FARS2: variants seen among roughly 807,000 people sequenced by gnomAD.
The protein encoded by FARS2 is phenylalanine--tRNA ligase, mitochondrial.
A neutral mutation model predicts 46.4 loss-of-function variants in FARS2; 40 were observed. That is an observed-to-expected ratio of 0.86 (90% confidence interval 0.67 to 1.12). FARS2 has a LOEUF of 1.12. FARS2 is among the 50% of genes most tolerant of loss of function. The pLI, the probability that FARS2 is intolerant of heterozygous loss-of-function variation, is 0.00. For synonymous variants in FARS2, 234 were observed against 214.9 expected (o/e 1.09, Z -0.78); for missense variants, 513 against 567.9 (o/e 0.90, Z 0.98).
At chr6:5,763,083 G>T (rs1762569226) in intron 6 of FARS2, among the ~76,000 whole-genome samples, 1 of 152,206 alleles carries the variant, frequency 6.6e-6, no homozygotes, top group Admixed American at 6.5e-5. Flanking sequence ...CCCATCATCT[G>T]CACGATGGCT....
chr6:5,429,122 G>A (rs974246559), intron 3 of FARS2, among the ~76,000 whole-genome samples: 9 of 152,206 alleles, frequency 5.9e-5, no homozygotes, highest in Non-Finnish European at 1.3e-4. Flanking sequence ...GGATTACAAA[G>A]GGGCATGAGA....
intron 3 of FARS2, among the ~76,000 whole-genome samples, chr6:5,413,769 G>A (rs113928027): frequency 0.029 from 4,401 of 152,256 alleles, 95 homozygotes; most frequent in Non-Finnish European, 0.044. Flanking sequence ...CCTTAGCCAG[G>A]TCAAGGTTGG....
chr6:5,723,174 G>A (rs1760020924), intron 6 of FARS2, among the ~76,000 whole-genome samples: 1 of 152,114 alleles, frequency 6.6e-6, no homozygotes, highest in Admixed American at 6.5e-5. Flanking sequence ...CCACGAATGG[G>A]CCACTCGCGA....
At chr6:5,470,897 T>C (rs1765772678) in intron 4 of FARS2, among the ~76,000 whole-genome samples, 1 of 152,228 alleles carries the variant, frequency 6.6e-6, no homozygotes. Context: ...TTGAGCACTC[T>C]GAATTTTCGC....
intron 4 of FARS2, among the ~76,000 whole-genome samples, chr6:5,460,797 G>A (rs1266026580): frequency 6.6e-6 from 1 of 152,156 alleles, no homozygotes; most frequent in Non-Finnish European, 1.5e-5. Context: ...CACTTCTCAA[G>A]TCTTACTTGA....
intron 5 of FARS2, among the ~76,000 whole-genome samples, chr6:5,587,580 A>G (rs1366539729): frequency 6.6e-6 from 1 of 152,160 alleles, no homozygotes; most frequent in African/African-American, 2.4e-5. Flanking sequence ...TCATGACTCA[A>G]TTTGGAGACA....
intron 3 of FARS2, among the ~76,000 whole-genome samples, chr6:5,422,394 A>C (rs1762603588): frequency 6.6e-6 from 1 of 151,584 alleles, no homozygotes; most frequent in Admixed American, 6.6e-5. Flanking sequence ...TTTTTAAATC[A>C]TAAATGTCAC....
chr6:5,400,739 C>T (rs1219337397), intron 2 of FARS2, among the ~76,000 whole-genome samples: 3 of 151,642 alleles, frequency 2.0e-5, no homozygotes, highest in African/African-American at 7.3e-5. Context: ...CACATTTGAT[C>T]TTATACTAAG....
At chr6:5,751,187 A>G (rs1052188632) in intron 6 of FARS2, among the ~76,000 whole-genome samples, 1 of 152,126 alleles carries the variant, frequency 6.6e-6, no homozygotes, top group Non-Finnish European at 1.5e-5. Context: ...GAAATCATAT[A>G]AGTTGAACCT....
At chr6:5,490,861 A>G (rs1767063919) in intron 4 of FARS2, among the ~76,000 whole-genome samples, 1 of 152,198 alleles carries the variant, frequency 6.6e-6, no homozygotes, top group Admixed American at 6.5e-5. Flanking sequence ...CAGATATCCA[A>G]CCAGTTATAC....
At chr6:5,494,313 C>T (rs1277405557) in intron 4 of FARS2, among the ~76,000 whole-genome samples, 2 of 152,132 alleles carry the variant, frequency 1.3e-5, no homozygotes, top group Non-Finnish European at 2.9e-5. Context: ...ATACCATCCA[C>T]CCATCCTTTA....
At chr6:5,703,403 T>C (rs930869182) in intron 6 of FARS2, among the ~76,000 whole-genome samples, 3 of 152,212 alleles carry the variant, frequency 2.0e-5, no homozygotes, top group African/African-American at 7.2e-5. Context: ...CTCTGTGGGC[T>C]AACTAGTGGG....
intron 5 of FARS2, among the ~76,000 whole-genome samples, chr6:5,594,728 G>T (rs1774102238): frequency 6.6e-6 from 1 of 152,202 alleles, no homozygotes; most frequent in Non-Finnish European, 1.5e-5. Context: ...CCAAGCAGGT[G>T]TCTCTGAGCT....
chr6:5,254,321 CT>C, the FARS2 span, among the ~76,000 whole-genome samples: 1 of 152,184 alleles, frequency 6.6e-6, no homozygotes, highest in African/African-American at 2.4e-5. Flanking sequence ...AGGGAAAACG[CT>C]TCCTTGACTA....
chr6:5,402,151 T>C (rs1761294990), intron 2 of FARS2, among the ~76,000 whole-genome samples: 1 of 152,102 alleles, frequency 6.6e-6, no homozygotes, highest in African/African-American at 2.4e-5. Context: ...GCCCCCTCAT[T>C]AAATCTTGAT....
intron 5 of FARS2, among the ~76,000 whole-genome samples, chr6:5,549,228 A>G (rs983010345): frequency 2.6e-5 from 4 of 151,902 alleles, no homozygotes; most frequent in African/African-American, 9.7e-5. Flanking sequence ...CATGTGCACA[A>G]CGTGCAGGTT....
chr6:5,664,813 G>A (rs1307881123), intron 6 of FARS2, among the ~76,000 whole-genome samples: 1 of 152,136 alleles, frequency 6.6e-6, no homozygotes, highest in African/African-American at 2.4e-5. Flanking sequence ...AGTAGCTCAA[G>A]GGCAGCTGGA....
chr6:5,535,110 A>T (rs1770115052), intron 4 of FARS2, among the ~76,000 whole-genome samples: 1 of 152,200 alleles, frequency 6.6e-6, no homozygotes, highest in African/African-American at 2.4e-5. Flanking sequence ...TATTTCCCTG[A>T]TGACTGATAA....
chr6:5,288,678 G>A (rs554933316), intron 1 of FARS2, among the ~76,000 whole-genome samples: 9 of 152,266 alleles, frequency 5.9e-5, no homozygotes, highest in Admixed American at 1.3e-4. Context: ...GGTGCGGACT[G>A]GGGACAAAAT....
Sources: allele counts gnomAD v4.1 joint callset (sites outside exome capture counted in the v4.1 genomes callset), GRCh38; gene constraint gnomAD v4.1.1; transcripts MANE v1.5; gene names NCBI Gene and HGNC (gene_info 2026-07-23, HGNC 2026-07-21).